CDH18: variants seen among roughly 807,000 people sequenced by gnomAD.
CDH18 encodes cadherin-18.
CDH18 carries 31 observed loss-of-function variants against 67.9 expected under a neutral mutation model. The observed-to-expected ratio is 0.46, with a 90% CI of 0.34 to 0.62. The LOEUF is 0.62. CDH18 is among the 20% of genes least tolerant of loss of function. The pLI, the probability that CDH18 is intolerant of heterozygous loss-of-function variation, is 0.01. For missense variants in CDH18, 890 were observed against 975.5 expected (o/e 0.91, Z 1.17); for synonymous variants, 362 against 347.2 (o/e 1.04, Z -0.48).
Position 19,472,133 on chromosome 5 carries a change from T to C in CDH18, c.*1093A>G, listed in dbSNP as rs1035254451. Among the ~76,000 whole-genome samples the C allele has an allele frequency of 1.3e-5, 2 of 152,172 alleles. No individual in the cohort carries two copies. The highest frequency in any genetic ancestry group is 1.3e-4 in the Admixed American group (2 of 15,254). ...CAGTGAGATGGAAAAAATCTGAAAC[T>C]GTGTAAGGAATAAATGTAAGTCAAC... On this transcript the variant is annotated 3_prime_UTR_variant, in exon 13 of 13. Transcript: ENST00000382275.
intron 1 of CDH18, among the ~76,000 whole-genome samples, chr5:20,389,065 G>T (rs866819483): frequency 6.6e-6 from 1 of 152,114 alleles, no homozygotes; most frequent in Non-Finnish European, 1.5e-5. Flanking sequence ...ATGTCTATTA[G>T]GTCTGCTTGG....
At chr5:20,039,198 C>T (rs1439262194) in intron 2 of CDH18, among the ~76,000 whole-genome samples, 1 of 151,966 alleles carries the variant, frequency 6.6e-6, no homozygotes, top group African/African-American at 2.4e-5. Flanking sequence ...TAGGAGAGTA[C>T]ACAAACAAAT....
chr5:19,822,452 C>T (rs540568692), intron 3 of CDH18, among the ~76,000 whole-genome samples: 1 of 152,258 alleles, frequency 6.6e-6, no homozygotes, highest in Admixed American at 6.5e-5. Context: ...CGATATTTCA[C>T]GTAGGTTCTT....
intron 5 of CDH18, among the ~76,000 whole-genome samples, chr5:19,634,293 A>AGAT (rs1752800398): frequency 6.6e-6 from 1 of 152,200 alleles, no homozygotes; most frequent in Admixed American, 6.5e-5. Flanking sequence ...TTTCCCCACC[A>AGAT]GATAACTAGG....
chr5:19,742,796 GT>G (rs1207202085), intron 4 of CDH18, among the ~76,000 whole-genome samples: 1 of 151,846 alleles, frequency 6.6e-6, no homozygotes. Flanking sequence ...GAGAGAGATT[GT>G]TTTAATGATT....
intron 2 of CDH18, among the ~76,000 whole-genome samples, chr5:20,225,412 A>C (rs185413527): frequency 6.6e-6 from 1 of 152,184 alleles, no homozygotes; most frequent in African/African-American, 2.4e-5. Flanking sequence ...TTTCTACGTC[A>C]TAAAGAGAGT....
chr5:19,707,451 G>T (rs1442460502), intron 5 of CDH18, among the ~76,000 whole-genome samples: 1 of 152,054 alleles, frequency 6.6e-6, no homozygotes, highest in Non-Finnish European at 1.5e-5. Flanking sequence ...CACTTCTACG[G>T]CCTGTAACTT....
intron 3 of CDH18, among the ~76,000 whole-genome samples, chr5:19,827,234 G>T (rs978121794): frequency 8.6e-5 from 13 of 150,674 alleles, no homozygotes; most frequent in African/African-American, 3.2e-4. Flanking sequence ...CATAAAGCAA[G>T]TTCTTAGAAA....
At chr5:19,602,064 C>G (rs1747229023) in intron 6 of CDH18, among the ~76,000 whole-genome samples, 1 of 152,008 alleles carries the variant, frequency 6.6e-6, no homozygotes, top group African/African-American at 2.4e-5. Flanking sequence ...TACTTTTGAA[C>G]TTTTATTCAA....
Position 20,304,428 on chromosome 5 carries a change from G to A in CDH18, c.-579-48923C>T, listed in dbSNP as rs938340437. The A allele has an allele frequency of 7.4e-6, 11 of 1,478,770 alleles. No homozygotes were observed. The African/African-American group carries it at 1.1e-4, about 15-fold the overall frequency. The allele number at this position is 1,478,770 out of a possible 1,614,324, so 91.6% of individuals were successfully genotyped here. On this transcript the variant is annotated intron_variant, in intron 1 of 14. Coordinates refer to the CDH18 transcript ENST00000507958. The stretch of plus-strand genomic sequence containing the variant: ...GTAACTACTACTTTGGGTAGCTCAT[G>A]ATTCTCTTCTTCATCTCCACCTTTG...
rs549673932 is a variant in CDH18, at chr5:19,836,825, C to T, written c.228+1934G>A. On this transcript the variant is annotated intron_variant, in intron 3 of 12. Transcript: ENST00000382275. ...AGGTCTTAGATTTAAGTCTTTAATC[C>T]ATCTTGAGTTAATTTTTGTATAAGG... Among the ~76,000 whole-genome samples, 465 of 152,002 alleles carry T rather than the reference C, an allele frequency of 3.1e-3. 3 individuals carry two copies. Among genetic ancestry groups the T allele is most frequent in the African/African-American group, 0.01 (422 of 41,464 alleles).
At chr5:20,313,123 T>G (rs1485486727) in intron 1 of CDH18, among the ~76,000 whole-genome samples, 1 of 150,824 alleles carries the variant, frequency 6.6e-6, no homozygotes, top group East Asian at 1.9e-4. Context: ...CCTGCTTAAC[T>G]TCAATGAAAT....
At chr5:20,336,584 G>C (rs979848940) in intron 1 of CDH18, among the ~76,000 whole-genome samples, 24 of 151,632 alleles carry the variant, frequency 1.6e-4, no homozygotes, top group Admixed American at 1.4e-3. Context: ...TTAGCCGGCC[G>C]TGGTGGCCAG....
At chr5:20,448,260 T>C (rs1227071567) in intron 1 of CDH18, among the ~76,000 whole-genome samples, 1 of 151,706 alleles carries the variant, frequency 6.6e-6, no homozygotes, top group Non-Finnish European at 1.5e-5. Context: ...TAGTATTCCA[T>C]AGTGTATATG....
intron 2 of CDH18, among the ~76,000 whole-genome samples, chr5:20,126,632 C>T (rs1467649645): frequency 6.6e-6 from 1 of 151,914 alleles, no homozygotes; most frequent in African/African-American, 2.4e-5. Flanking sequence ...AACCAAATTT[C>T]CAAGTTAAAA....
At chr5:20,538,881 C>T (rs532817102) in intron 1 of CDH18, among the ~76,000 whole-genome samples, 1 of 144,396 alleles carries the variant, frequency 6.9e-6, no homozygotes, top group African/African-American at 2.5e-5. Flanking sequence ...ACTGGATATA[C>T]ATCCACATAG....
intron 2 of CDH18, among the ~76,000 whole-genome samples, chr5:20,097,427 C>T (rs192457406): frequency 3.3e-5 from 5 of 152,138 alleles, no homozygotes; most frequent in African/African-American, 1.2e-4. Flanking sequence ...TTTATAAAAC[C>T]GTCAGATCTC....
chr5:19,486,671 T>G (rs995474585), intron 11 of CDH18, among the ~76,000 whole-genome samples: 2 of 152,038 alleles, frequency 1.3e-5, no homozygotes, highest in African/African-American at 4.8e-5. Context: ...CGGGCGCCTA[T>G]AATCTCAGCT....
At chr5:20,414,230 T>C (rs1747074157) in intron 1 of CDH18, among the ~76,000 whole-genome samples, 1 of 152,224 alleles carries the variant, frequency 6.6e-6, no homozygotes, top group Non-Finnish European at 1.5e-5. Flanking sequence ...ACTGCACTTT[T>C]ATGTTTATCG....
Sources: allele counts gnomAD v4.1 joint callset (sites outside exome capture counted in the v4.1 genomes callset), GRCh38; gene constraint gnomAD v4.1.1; transcripts MANE v1.5; gene names NCBI Gene and HGNC (gene_info 2026-07-23, HGNC 2026-07-21).